Variants in ANKRD12 observed in about 807,000 individuals in gnomAD.
The protein encoded by ANKRD12 is ankyrin repeat domain 12.
In ANKRD12, 85 loss-of-function variants were observed where a neutral mutation model predicts 183.4. That is an observed-to-expected ratio of 0.46 (90% CI 0.39 to 0.56). The LOEUF (loss-of-function observed/expected upper bound fraction) is 0.56. Among genes scored for constraint, ANKRD12 ranks in the 20% least tolerant of loss-of-function variants. ANKRD12 has a pLI of 0.00. For missense variants in ANKRD12, 2,405 were observed against 2,357.1 expected (o/e 1.02, Z -0.42); for synonymous variants, 914 against 800.2 (o/e 1.14, Z -2.40).
intron 4 of ANKRD12, among the ~76,000 whole-genome samples, chr18:9,206,678 T>C (rs2035503893): frequency 6.6e-6 from 1 of 152,124 alleles, no homozygotes; most frequent in African/African-American, 2.4e-5. Context: ...AATTTTGTTT[T>C]AAATATTTGG....
chr18:9,216,941 A>G, intron 7 of ANKRD12, 41 bp downstream of exon 7: 1 of 1,585,116 alleles, frequency 6.3e-7, no homozygotes, highest in African/African-American at 1.4e-5. Context: ...ACATTTGCAA[A>G]ATATAAATTC....
rs1220732421 is a variant in ANKRD12 at position 9,285,284 on chromosome 18, A to G, written c.*4158A>G. The G allele has an allele frequency of 1.3e-5, 2 of 151,836 alleles. No individual in the cohort carries two copies. The highest frequency in any genetic ancestry group is 2.1e-4 in the South Asian group (1 of 4,816). 9.4% of individuals were successfully genotyped at this position (151,836 alleles called of 1,614,324 possible). A position where few individuals can be genotyped will look rare whatever the true frequency, so the allele number is the denominator to read the frequency against. ...TTTCTCTACTAAAAATACAAAAATTAGCCAAGCGTGACGGTGCCTGCCTGT... is the reference window on the plus strand; with the variant it reads ...TTTCTCTACTAAAAATACAAAAATTGGCCAAGCGTGACGGTGCCTGCCTGT... On this transcript the variant is annotated 3_prime_UTR_variant, in exon 13 of 13. Transcript: ENST00000262126.
chr18:9,261,449 A>G (rs1043951894), intron 9 of ANKRD12, among the ~76,000 whole-genome samples: 2 of 152,222 alleles, frequency 1.3e-5, no homozygotes, highest in African/African-American at 4.8e-5. Context: ...GCATTTTTGT[A>G]GATCTTTACA....
At chr18:9,173,094 G>A (rs1000047148) in intron 1 of ANKRD12, among the ~76,000 whole-genome samples, 1 of 140,088 alleles carries the variant, frequency 7.1e-6, no homozygotes, top group East Asian at 2.1e-4. Context: ...TTTTGAGACT[G>A]AGTTTAGCTC....
chr18:9,270,744 T>G (rs1238855107), intron 10 of ANKRD12, among the ~76,000 whole-genome samples: 1 of 152,214 alleles, frequency 6.6e-6, no homozygotes, highest in Non-Finnish European at 1.5e-5. Context: ...TGTGCACATG[T>G]ACCCTAAAAC....
intron 1 of ANKRD12, among the ~76,000 whole-genome samples, chr18:9,173,661 A>T (rs1218945199): frequency 6.6e-6 from 1 of 150,846 alleles, no homozygotes; most frequent in Non-Finnish European, 1.5e-5. Flanking sequence ...GCCAGCCTGG[A>T]TGCTGCTGTA....
rs775877613 is a variant in ANKRD12, at chr18:9,262,786, C to CTTTTTTTT, written c.5665-1004_5665-1003insTTTTTTTT. 3.3e-4 allele frequency among the ~76,000 whole-genome samples: 29 copies of CTTTTTTTT among 87,938 alleles called. 6 individuals are homozygous for CTTTTTTTT. Among genetic ancestry groups the CTTTTTTTT allele is most frequent in the South Asian group, 4.6e-4 (1 of 2,158 alleles). The allele number at this position is 87,938 out of a possible 152,430, so 57.7% of individuals were successfully genotyped here. A position where few individuals can be genotyped will look rare whatever the true frequency, so the allele number is the denominator to read the frequency against. ...AGCCACCATGCCCAGCCAAGATGTCCCTTTTTTTTTTTTTTTTTTTTTTTT... is the reference window on the plus strand; with the variant it reads ...AGCCACCATGCCCAGCCAAGATGTCCTTTTTTTTCTTTTTTTTTTTTTTTTTTTTTTTT... On this transcript the variant is annotated intron_variant, in intron 9 of 12. Coordinates refer to ENST00000262126, the MANE Select transcript of ANKRD12 (RefSeq NM_015208.5).
At chr18:9,280,797 A>G (rs1254956287) in intron 12 of ANKRD12, 144 bp from the exon 13 acceptor site, 11 of 780,066 alleles carry the variant, frequency 1.4e-5, no homozygotes, top group African/African-American at 7.1e-5. Flanking sequence ...TCAAAAAAAA[A>G]AGAAAGAAAT....
At chr18:9,196,679 G>C (rs1316824320) in intron 3 of ANKRD12, among the ~76,000 whole-genome samples, 6 of 152,140 alleles carry the variant, frequency 3.9e-5, no homozygotes, top group African/African-American at 1.4e-4. Flanking sequence ...TTGGTAGCCA[G>C]GTCTCCTTTT....
chr18:9,174,566 G>T (rs990732996), intron 1 of ANKRD12, among the ~76,000 whole-genome samples: 2 of 152,170 alleles, frequency 1.3e-5, no homozygotes, highest in African/African-American at 4.8e-5. Flanking sequence ...CCTGAGTGGG[G>T]TTACACAATC....
In ANKRD12 at chr18:9,255,141, A is replaced by ACTT; in HGVS notation, c.1874_1875insCTT (p.Lys625delinsAsnLeu). On this transcript the variant is annotated protein_altering_variant, in exon 9 of 13. Coordinates refer to ENST00000262126, the MANE Select transcript of ANKRD12 (RefSeq NM_015208.5). Reference sequence around the variant, plus strand: ...GGTGAAAAATCAAATGCCAAAATAAAGGATGAAGATCATAGTCCAACATTT... The same window carrying ACTT: ...GGTGAAAAATCAAATGCCAAAATAAACTTGGATGAAGATCATAGTCCAACATTT... The ACTT allele has an allele frequency of 6.3e-7, 1 of 1,586,288 alleles. No homozygotes were observed. Among genetic ancestry groups the ACTT allele is most frequent in the East Asian group, 2.3e-5 (1 of 44,258 alleles).
rs552219270 is a variant in ANKRD12, at chr18:9,175,862, A to G, written c.-51-6520A>G. 3.9e-5 allele frequency among the ~76,000 whole-genome samples: 6 copies of G among 152,188 alleles called. No homozygotes were observed. In the South Asian group the frequency reaches 1.0e-3, roughly 26 times the overall value. Reference sequence around the variant, plus strand: ...TTTTGACAAAGTTCAGCCTCATCCTATAGGTGATTTTGTACTCTCTGCTAA... The same window carrying G: ...TTTTGACAAAGTTCAGCCTCATCCTGTAGGTGATTTTGTACTCTCTGCTAA... On this transcript the variant is annotated intron_variant, in intron 1 of 12. Coordinates refer to ENST00000262126, the MANE Select transcript of ANKRD12 (RefSeq NM_015208.5).
chr18:9,222,686 G>A (rs965850408), intron 8 of ANKRD12, among the ~76,000 whole-genome samples: 1 of 151,964 alleles, frequency 6.6e-6, no homozygotes, highest in Admixed American at 6.6e-5. Context: ...ACACATGAGG[G>A]AATAAAAACC....
intron 8 of ANKRD12, among the ~76,000 whole-genome samples, chr18:9,244,540 A>G (rs1180224194): frequency 1.3e-5 from 2 of 152,206 alleles, no homozygotes; most frequent in Admixed American, 1.3e-4. Flanking sequence ...AGCAATTGAC[A>G]TACTTTAGAA....
At position 9,282,629 on chromosome 18, in the gene ANKRD12, C is replaced by T. The variant is rs1202387274; in HGVS notation, c.*1503C>T. ...TATGAGGTAAAATTTGCAAAACTTTCCACAGTACTTTCTTGAATTATAATA... is the reference window on the plus strand; with the variant it reads ...TATGAGGTAAAATTTGCAAAACTTTTCACAGTACTTTCTTGAATTATAATA... On this transcript the variant is annotated 3_prime_UTR_variant, in exon 13 of 13. Transcript: ENST00000262126. The T allele has an allele frequency of 1.3e-5, 2 of 152,502 alleles. No individual in the cohort carries two copies. The highest frequency in any genetic ancestry group is 2.9e-5 in the Non-Finnish European group (2 of 67,980). The allele number at this position is 152,502 out of a possible 1,614,324, so 9.4% of individuals were successfully genotyped here.
intron 4 of ANKRD12, among the ~76,000 whole-genome samples, chr18:9,206,902 A>G (rs994398487): frequency 1.3e-5 from 2 of 151,396 alleles, no homozygotes; most frequent in African/African-American, 4.8e-5. Flanking sequence ...ATTTTCCCCA[A>G]TATTTAGAAA....
chr18:9,216,595 T>C (rs2036121675), intron 6 of ANKRD12, among the ~76,000 whole-genome samples, 163 bp from the exon 7 acceptor site: 1 of 152,236 alleles, frequency 6.6e-6, no homozygotes, highest in African/African-American at 2.4e-5. Context: ...CTTCAGTAAA[T>C]TGATATTGTT....
intron 1 of ANKRD12, among the ~76,000 whole-genome samples, chr18:9,143,342 C>G (rs556328650): frequency 3.3e-5 from 5 of 152,288 alleles, no homozygotes; most frequent in African/African-American, 1.2e-4. Flanking sequence ...TAAGATCAGT[C>G]CAATTCACTA....
chr18:9,141,131 G>A (rs1175755555), intron 1 of ANKRD12, among the ~76,000 whole-genome samples: 1 of 151,908 alleles, frequency 6.6e-6, no homozygotes, highest in Non-Finnish European at 1.5e-5. Context: ...CTTCTGGGTG[G>A]TCAAAAAAGA....
Sources: allele counts gnomAD v4.1 joint callset (sites outside exome capture counted in the v4.1 genomes callset), GRCh38; gene constraint gnomAD v4.1.1; transcripts MANE v1.5; gene names NCBI Gene and HGNC (gene_info 2026-07-23, HGNC 2026-07-21).